Variants in PAX9 observed in about 807,000 individuals in gnomAD.
The protein encoded by PAX9 is paired box protein Pax-9.
PAX9 carries 6 observed loss-of-function variants against 29.1 expected under a neutral mutation model. That is an observed-to-expected ratio of 0.21 (90% CI 0.11 to 0.41). The LOEUF is 0.41. Among genes scored for constraint, PAX9 ranks in the 10% least tolerant of loss-of-function variants. The probability of loss-of-function intolerance (pLI) is 1.00; values close to 1 mark genes in which losing one functional copy is unlikely to be tolerated. For synonymous variants in PAX9, 217 were observed against 211.7 expected, an observed-to-expected ratio of 1.03 and a Z score of -0.22; for missense variants, 443 against 479.1, an observed-to-expected ratio of 0.92 and a Z score of 0.70.
chr14:36,662,110 G>C lies in PAX9; in HGVS notation c.4+17G>C, dbSNP rs1003030078. 2.3e-6 allele frequency: 3 copies of C among 1,298,818 alleles called. No individual in the cohort carries two copies. The highest frequency in any genetic ancestry group is 2.0e-6 in the Non-Finnish European group (2 of 989,730). The allele number at this position is 1,298,818 out of a possible 1,614,324, so 80.5% of individuals were successfully genotyped here. Reference sequence around the variant, plus strand: ...GAGCAATGGGTGAGTGGCGGCGGGGGACTCTGTCAGAGCCGGGAAGGGAGG... The same window carrying C: ...GAGCAATGGGTGAGTGGCGGCGGGGCACTCTGTCAGAGCCGGGAAGGGAGG... On this transcript the variant is annotated intron_variant, in intron 1 of 3. Transcript: ENST00000361487.
intron 2 of PAX9, among the ~76,000 whole-genome samples, chr14:36,665,051 A>T (rs554347432): frequency 6.6e-6 from 1 of 151,964 alleles, no homozygotes; most frequent in African/African-American, 2.4e-5. Flanking sequence ...GTGCCCACCG[A>T]CTGCCTTTTG....
At position 36,669,572 on chromosome 14, in the gene PAX9, G is replaced by A. The variant is rs190698703; in HGVS notation, c.771+2971G>A. On this transcript the variant is annotated intron_variant, in intron 3 of 3. Transcript: ENST00000361487. ...AGAATTCAGAATCATAGAGCTTAAA[G>A]CATATTTTTCTTGAGGACATCTGTA... Among the ~76,000 whole-genome samples the A allele has an allele frequency of 9.2e-5, 14 of 152,208 alleles. No homozygotes were observed. In the South Asian group the frequency reaches 2.5e-3, roughly 27 times the overall value.
rs769905703 is a variant in PAX9, at chr14:36,676,317, T to C, written c.891T>C (p.Val297=). Residue 297 remains valine (V), a synonymous_variant, in exon 4 of 4, where the codon GTT becomes GTC. Coordinates refer to ENST00000361487, the MANE Select transcript of PAX9 (RefSeq NM_001372076.1). ...MTYSAAPSGY[V]AGHGWQHAGG... ...ACAGTGCTGCTCCTTCTGGTTATGTTGCTGGACATGGGTGGCAACATGCTG... is the reference window on the plus strand; with the variant it reads ...ACAGTGCTGCTCCTTCTGGTTATGTCGCTGGACATGGGTGGCAACATGCTG... 2 of 1,614,206 alleles carry C rather than the reference T, an allele frequency of 1.2e-6. No homozygotes were observed. Among genetic ancestry groups the C allele is most frequent in the East Asian group, 4.5e-5 (2 of 44,876 alleles).
In PAX9 at chr14:36,663,463, A is replaced by G. The variant is rs763261408; in HGVS notation, c.571A>G (p.Thr191Ala). The change falls in exon 2 of 4, where the codon ACC (threonine) becomes GCC (alanine). Residue 191 changes from threonine (T) to alanine (A), a missense_variant. Transcript: ENST00000361487. ...CCCCGGTTCGGTGGCCATGCCGCGC[A>G]CCTGGCCCTCCTCGCACTCCGTCAC... ...AIPGSVAMPR[T>A]WPSSHSVTDI... The G allele has an allele frequency of 1.2e-6, 2 of 1,612,994 alleles. No homozygotes were observed. Among genetic ancestry groups the G allele is most frequent in the Non-Finnish European group, 1.7e-6 (2 of 1,179,850 alleles).
intron 1 of PAX9, chr14:36,662,635 CG>C: frequency 3.7e-6 from 2 of 546,918 alleles, no homozygotes; most frequent in Non-Finnish European, 6.5e-6. Context: ...TTTGAACGCT[CG>C]GAGAGGCCCG....
intron 3 of PAX9, among the ~76,000 whole-genome samples, chr14:36,675,311 C>T (rs10131337): frequency 0.19 from 28,643 of 152,122 alleles, 3,107 homozygotes; most frequent in East Asian, 0.28. Flanking sequence ...TTAATAGTAA[C>T]GATACCAACA....
intron 3 of PAX9, among the ~76,000 whole-genome samples, chr14:36,669,123 ATG>A (rs1881615753): frequency 6.6e-6 from 1 of 152,194 alleles, no homozygotes; most frequent in Admixed American, 6.5e-5. Context: ...TGGCTACTCT[ATG>A]ATAATTATCA....
chr14:36,678,820 A>C lies in PAX9; in HGVS notation c.*2368A>C. On this transcript the variant is annotated 3_prime_UTR_variant, in exon 4 of 4. Coordinates refer to ENST00000361487, the MANE Select transcript of PAX9 (RefSeq NM_001372076.1). ...GTTTCCTTTTCTCCCTCTAGGTCTT[A>C]ACAGTGAATTCACATGGAGTAATTT... The C allele has an allele frequency of 1.0e-6, 1 of 998,020 alleles. No homozygotes were observed. The highest frequency in any genetic ancestry group is 7.9e-5 in the East Asian group (1 of 12,590). The allele number at this position is 998,020 out of a possible 1,614,324, so 61.8% of individuals were successfully genotyped here. A position where few individuals can be genotyped will look rare whatever the true frequency, so the allele number is the denominator to read the frequency against.
At position 36,661,989 on chromosome 14, in the gene PAX9, C is replaced by T. The variant is rs1881286681; in HGVS notation, c.-101C>T. ...TCCTGGGAAGAAGCGGAGGCGCCGG[C>T]GGTCGGCCGGGATAGCAACAGGCCG... On this transcript the variant is annotated 5_prime_UTR_variant, in exon 1 of 4. Coordinates refer to ENST00000361487, the MANE Select transcript of PAX9 (RefSeq NM_001372076.1). The T allele has an allele frequency of 6.8e-7, 1 of 1,460,336 alleles. No homozygotes were observed. Among genetic ancestry groups the T allele is most frequent in the Non-Finnish European group, 9.4e-7 (1 of 1,065,526 alleles). 90.5% of individuals were successfully genotyped at this position (1,460,336 alleles called of 1,614,324 possible).
upstream of PAX9, among the ~76,000 whole-genome samples, chr14:36,660,560 A>G (rs1283388006): frequency 6.6e-6 from 1 of 152,168 alleles, no homozygotes; most frequent in African/African-American, 2.4e-5. Flanking sequence ...GGTTCTTGCA[A>G]CTTACTGACC....
Position 36,676,533 on chromosome 14 carries a change from C to T in PAX9, c.*81C>T. On this transcript the variant is annotated 3_prime_UTR_variant, in exon 4 of 4. Transcript: ENST00000361487. ...CCCCCAATTCCCAGGTCTCACATCC[C>T]ACCCCTCCTGCCCTCCAACCCTTCT... 6.6e-7 allele frequency: 1 copy of T among 1,515,336 alleles called. No individual in the cohort carries two copies. The highest frequency in any genetic ancestry group is 9.0e-7 in the Non-Finnish European group (1 of 1,111,502). 93.9% of individuals were successfully genotyped at this position (1,515,336 alleles called of 1,614,324 possible). A position where few individuals can be genotyped will look rare whatever the true frequency, so the allele number is the denominator to read the frequency against.
chr14:36,674,519 G>A (rs898368231), intron 3 of PAX9, among the ~76,000 whole-genome samples: 1 of 152,136 alleles, frequency 6.6e-6, no homozygotes. Flanking sequence ...GTAGTTTCTT[G>A]ATTTAAAAAA....
chr14:36,669,983 T>A (rs1881645776), intron 3 of PAX9, among the ~76,000 whole-genome samples: 4 of 152,050 alleles, frequency 2.6e-5, no homozygotes, highest in Admixed American at 6.5e-5. Flanking sequence ...TCTCTTCTGT[T>A]GAAAGCATAA....
At chr14:36,675,753 CTGAAAA>C (rs1881862321) in intron 3 of PAX9, among the ~76,000 whole-genome samples, 1 of 152,118 alleles carries the variant, frequency 6.6e-6, no homozygotes, top group East Asian at 1.9e-4. Context: ...CCCTTCTTTA[CTGAAAA>C]TGAAAGTTAT....
In PAX9 at chr14:36,663,090, C is replaced by A; in HGVS notation, c.198C>A (p.Ile66=). Reference sequence around the variant, plus strand: ...CGCGATACAACGAGACGGGCTCGATCTTGCCAGGAGCCATCGGGGGCAGCA... The same window carrying A: ...CGCGATACAACGAGACGGGCTCGATATTGCCAGGAGCCATCGGGGGCAGCA... ...ILARYNETGS[I]LPGAIGGSKP... is the part of the protein sequence containing the mutation. Residue 66 remains isoleucine, a synonymous_variant, in exon 2 of 4, where the codon ATC becomes ATA. Transcript: ENST00000361487. 1 of 1,613,970 alleles carries A rather than the reference C, an allele frequency of 6.2e-7. No homozygotes were observed.
intron 2 of PAX9, among the ~76,000 whole-genome samples, chr14:36,664,150 A>G (rs1881401066): frequency 6.6e-6 from 1 of 151,930 alleles, no homozygotes; most frequent in Non-Finnish European, 1.5e-5. Context: ...CTTGCATGTA[A>G]CTCATTCCCA....
At position 36,677,888 on chromosome 14, in the gene PAX9, G is replaced by A. The variant is rs1253499397; in HGVS notation, c.*1436G>A. ...TGTGTGTGTGAGCATGTGAGTATGT[G>A]TTGTATTTTAAAACAATTGATTTTC... On this transcript the variant is annotated 3_prime_UTR_variant, in exon 4 of 4. Coordinates refer to ENST00000361487, the MANE Select transcript of PAX9 (RefSeq NM_001372076.1). 1 of 152,672 alleles carries A rather than the reference G, an allele frequency of 6.5e-6. No homozygotes were observed. Among genetic ancestry groups the A allele is most frequent in the Non-Finnish European group, 1.5e-5 (1 of 68,390 alleles). The allele number at this position is 152,672 out of a possible 1,614,324, so 9.5% of individuals were successfully genotyped here. A position where few individuals can be genotyped will look rare whatever the true frequency, so the allele number is the denominator to read the frequency against.
chr14:36,674,092 C>G (rs1478802821), intron 3 of PAX9, among the ~76,000 whole-genome samples: 2 of 152,166 alleles, frequency 1.3e-5, no homozygotes, highest in Non-Finnish European at 2.9e-5. Flanking sequence ...CTATGCAAAA[C>G]TAGATTTTTT....
At chr14:36,666,332 G>C (rs1881485447) in intron 2 of PAX9, 130 bp from the exon 3 acceptor site, 1 of 1,263,226 alleles carries the variant, frequency 7.9e-7, no homozygotes, top group Admixed American at 2.6e-5. Context: ...AGCGCCCTCG[G>C]GAGGCCAAGG....
Sources: allele counts gnomAD v4.1 joint callset (sites outside exome capture counted in the v4.1 genomes callset), GRCh38; gene constraint gnomAD v4.1.1; transcripts MANE v1.5; gene names NCBI Gene and HGNC (gene_info 2026-07-23, HGNC 2026-07-21).